CSMD1: variants seen among roughly 807,000 people sequenced by gnomAD.
The protein encoded by CSMD1 is CUB and sushi domain-containing protein 1.
CSMD1 carries 213 observed loss-of-function variants against 417.5 expected under a neutral mutation model. The observed-to-expected ratio is 0.51, with a 90% CI of 0.46 to 0.57. The LOEUF (loss-of-function observed/expected upper bound fraction) is 0.57, where lower values mean the gene tolerates loss of function less well. Among genes scored for constraint, CSMD1 ranks in the 20% least tolerant of loss-of-function variants. The pLI is 0.00. For missense variants in CSMD1, 6,923 were observed against 4,529.7 expected, an observed-to-expected ratio of 1.53 and a Z score of -15.17; for synonymous variants, 2,862 against 1,736.8, an observed-to-expected ratio of 1.65 and a Z score of -16.11.
At chr8:4,129,088 A>AAC (rs1554461353) in intron 3 of CSMD1, among the ~76,000 whole-genome samples, 4 of 150,934 alleles carry the variant, frequency 2.7e-5, no homozygotes, top group African/African-American at 9.7e-5. Context: ...AAAAAAAAAA[A>AAC]AAAACAAAAC....
intron 1 of CSMD1, among the ~76,000 whole-genome samples, chr8:4,833,469 T>G (rs186324955): frequency 6.6e-6 from 1 of 152,160 alleles, no homozygotes; most frequent in African/African-American, 2.4e-5. Context: ...TACCTCAGCA[T>G]TGGGGATTAC....
chr8:4,315,798 T>C (rs1280226560), intron 3 of CSMD1, among the ~76,000 whole-genome samples: 1 of 75,710 alleles, frequency 1.3e-5, no homozygotes, highest in East Asian at 2.4e-3. Context: ...ATAAAGTAAT[T>C]CAAACTTTTT....
At position 4,084,344 on chromosome 8, in the gene CSMD1, AC is replaced by A. The variant is rs566159713; in HGVS notation, c.416-52246del. Among the ~76,000 whole-genome samples, 132 of 147,130 alleles carry A rather than the reference AC, an allele frequency of 9.0e-4. 2 individuals are homozygous for A. In the East Asian group the frequency reaches 0.023, roughly 26 times the overall value. ...GGTTTGTTAAAAAAGAAAAAAAAAA[AC>A]AAACTACAACCATAAATGCAATCTA... On this transcript the variant is annotated intron_variant, in intron 3 of 69. Transcript: ENST00000635120.
chr8:4,198,599 C>T (rs556221879), intron 3 of CSMD1, among the ~76,000 whole-genome samples: 9 of 152,142 alleles, frequency 5.9e-5, no homozygotes, highest in African/African-American at 2.2e-4. Context: ...TTGATTTTAA[C>T]GTAATGAGTC....
rs144410304 is a variant in CSMD1 at position 3,249,416 on chromosome 8, G to A, written c.4154-19185C>T. On this transcript the variant is annotated intron_variant, in intron 26 of 69. Transcript: ENST00000635120. ...TTTTTGTATTTTTAGTAGTGATGGCGTTTCACCATGTTGGCCAGGCTGGCC... is the reference window on the plus strand; with the variant it reads ...TTTTTGTATTTTTAGTAGTGATGGCATTTCACCATGTTGGCCAGGCTGGCC... Among the ~76,000 whole-genome samples, 365 of 152,216 alleles carry A rather than the reference G, an allele frequency of 2.4e-3. 5 individuals carry two copies. The highest frequency in any genetic ancestry group is 8.4e-3 in the African/African-American group (347 of 41,540).
intron 50 of CSMD1, among the ~76,000 whole-genome samples, chr8:3,043,182 AG>A (rs1341230113): frequency 4.6e-5 from 7 of 151,738 alleles, no homozygotes; most frequent in Non-Finnish European, 1.0e-4. Flanking sequence ...ATAGTACCAT[AG>A]GTCACTATAG....
chr8:4,431,702 ACAG>A (rs1226738118), intron 2 of CSMD1, among the ~76,000 whole-genome samples: 1 of 152,222 alleles, frequency 6.6e-6, no homozygotes, highest in Non-Finnish European at 1.5e-5. Flanking sequence ...CTAAATCCTG[ACAG>A]CAGAATTAAG....
intron 8 of CSMD1, among the ~76,000 whole-genome samples, chr8:3,596,416 G>A (rs1219413395): frequency 6.6e-6 from 1 of 152,202 alleles, no homozygotes; most frequent in Non-Finnish European, 1.5e-5. Flanking sequence ...AGTCAACAAT[G>A]GAGGAGGCTG....
chr8:3,330,710 C>G (rs775276778), intron 23 of CSMD1, among the ~76,000 whole-genome samples: 3 of 152,042 alleles, frequency 2.0e-5, no homozygotes, highest in African/African-American at 7.3e-5. Flanking sequence ...TGAGTTTACC[C>G]AAATAACAAA....
intron 3 of CSMD1, among the ~76,000 whole-genome samples, chr8:4,250,163 A>T (rs1027344795): frequency 2.6e-5 from 4 of 152,154 alleles, no homozygotes; most frequent in African/African-American, 9.7e-5. Flanking sequence ...AGCCTCTAGA[A>T]CTGTGAACCA....
chr8:4,484,785 C>T (rs757846014), intron 2 of CSMD1, among the ~76,000 whole-genome samples: 3 of 151,644 alleles, frequency 2.0e-5, no homozygotes, highest in Admixed American at 6.6e-5. Context: ...CTGGCTAACA[C>T]GGTGAAACCC....
chr8:3,975,912 AG>A (rs1813404554), intron 5 of CSMD1, among the ~76,000 whole-genome samples: 1 of 152,168 alleles, frequency 6.6e-6, no homozygotes, highest in Non-Finnish European at 1.5e-5. Context: ...TGAATGTATT[AG>A]TTTCATAAAA....
intron 3 of CSMD1, among the ~76,000 whole-genome samples, chr8:4,256,898 G>C (rs1265594944): frequency 1.3e-5 from 2 of 152,186 alleles, no homozygotes; most frequent in African/African-American, 4.8e-5. Context: ...ATGTGGTTCA[G>C]AATGAGTTTG....
At chr8:3,984,541 T>C (rs1490993261) in intron 5 of CSMD1, among the ~76,000 whole-genome samples, 1 of 151,634 alleles carries the variant, frequency 6.6e-6, no homozygotes, top group Non-Finnish European at 1.5e-5. Context: ...TGATTTTTCG[T>C]CTAGGTATAT....
chr8:4,455,602 A>G (rs1799418646), intron 2 of CSMD1, among the ~76,000 whole-genome samples: 1 of 151,972 alleles, frequency 6.6e-6, no homozygotes, highest in Non-Finnish European at 1.5e-5. Context: ...GAATTTTTAA[A>G]TCATCTTATT....
At chr8:3,715,595 T>A (rs894977805) in intron 6 of CSMD1, among the ~76,000 whole-genome samples, 1 of 152,162 alleles carries the variant, frequency 6.6e-6, no homozygotes, top group Non-Finnish European at 1.5e-5. Flanking sequence ...CACGCTGGAG[T>A]GCAGTGACAC....
intron 48 of CSMD1, among the ~76,000 whole-genome samples, chr8:3,088,344 C>A (rs1366035347): frequency 6.6e-6 from 1 of 152,200 alleles, no homozygotes; most frequent in South Asian, 2.1e-4. Context: ...AACAATACAA[C>A]AGAGAAGGTC....
At chr8:3,586,804 G>C (rs577570178) in intron 8 of CSMD1, among the ~76,000 whole-genome samples, 14 of 152,240 alleles carry the variant, frequency 9.2e-5, no homozygotes, top group East Asian at 5.8e-4. Flanking sequence ...TTGTTTGTTT[G>C]TTTGTTTTGT....
chr8:3,468,921 C>G, intron 11 of CSMD1, 97 bp from the exon 12 acceptor site: 2 of 704,064 alleles, frequency 2.8e-6, no homozygotes, highest in South Asian at 3.5e-5. Flanking sequence ...CAGCCAAACC[C>G]TAGATATATA....
Sources: gnomAD v4.1 joint callset for allele counts (sites outside exome capture counted in the v4.1 genomes callset) on GRCh38, gnomAD v4.1.1 for gene constraint, MANE v1.5 for transcripts, NCBI Gene and HGNC (gene_info 2026-07-23, HGNC 2026-07-21) for gene names.